Variants in COL25A1 observed in about 807,000 individuals in gnomAD.
COL25A1 encodes collagen type XXV alpha 1 chain, also known as collagen alpha-1(XXV) chain.
Under a neutral mutation model 128.4 loss-of-function variants are expected in COL25A1, and 103 were observed. That is an observed-to-expected ratio of 0.80 (90% CI 0.68 to 0.94). The LOEUF (loss-of-function observed/expected upper bound fraction) is 0.94. COL25A1 is among the 40% of genes least tolerant of loss of function. COL25A1 has a pLI of 0.00. For missense variants in COL25A1, 745 were observed against 840.0 expected (o/e 0.89, Z 1.40); for synonymous variants, 279 against 277.2 (o/e 1.01, Z -0.06).
At chr4:108,924,346 G>A (rs774484475) in intron 11 of COL25A1, among the ~76,000 whole-genome samples, 1 of 152,092 alleles carries the variant, frequency 6.6e-6, no homozygotes. Context: ...AAATTATATA[G>A]TATACTTGAT....
chr4:109,086,013 C>CGAAG (rs1764333856), intron 3 of COL25A1, among the ~76,000 whole-genome samples: 1 of 152,186 alleles, frequency 6.6e-6, no homozygotes, highest in Non-Finnish European at 1.5e-5. Flanking sequence ...GAGGACACTT[C>CGAAG]CCCTGAAAGA....
chr4:108,813,081 G>A lies in COL25A1; in HGVS notation c.*846C>T, dbSNP rs1730928378. ...ACCTCTTTCCTACTTGGTCACATGA[G>A]AGGCAGTGCTGGAGGCTGAATCGGT... On this transcript the variant is annotated 3_prime_UTR_variant, in exon 38 of 38. Transcript: ENST00000399132. 6.6e-6 allele frequency: 1 copy of A among 152,252 alleles called. No homozygotes were observed. The highest frequency in any genetic ancestry group is 1.5e-5 in the Non-Finnish European group (1 of 68,076). The allele number at this position is 152,252 out of a possible 1,614,324, so 9.4% of individuals were successfully genotyped here.
At chr4:109,060,694 A>AAAAAAC (rs1761888005) in intron 3 of COL25A1, among the ~76,000 whole-genome samples, 1 of 151,920 alleles carries the variant, frequency 6.6e-6, no homozygotes, top group African/African-American at 2.4e-5. Context: ...TTTCAAAAAA[A>AAAAAAC]AAAAAACAAA....
intron 5 of COL25A1, among the ~76,000 whole-genome samples, chr4:109,037,421 G>A (rs1308618643): frequency 1.3e-5 from 2 of 152,184 alleles, no homozygotes; most frequent in Non-Finnish European, 2.9e-5. Context: ...GTCTGGCATG[G>A]TCTGCAGCGC....
At chr4:109,012,642 G>T (rs910753714) in intron 5 of COL25A1, among the ~76,000 whole-genome samples, 1 of 152,120 alleles carries the variant, frequency 6.6e-6, no homozygotes, top group East Asian at 1.9e-4. Context: ...CAGAGGGGGC[G>T]CCAGGTCCCC....
Position 108,811,379 on chromosome 4 carries a change from A to G in COL25A1, c.*2548T>C, listed in dbSNP as rs1185021855. On this transcript the variant is annotated 3_prime_UTR_variant, in exon 38 of 38. Transcript: ENST00000399132. ...AAATCAGTTATAGAGCAAAAACTCA[A>G]TATACACACAGGACAGAATAGTATT... 1 of 152,112 alleles carries G rather than the reference A, an allele frequency of 6.6e-6. No homozygotes were observed. The highest frequency in any genetic ancestry group is 1.5e-5 in the Non-Finnish European group (1 of 67,944). The allele number at this position is 152,112 out of a possible 1,614,324, so 9.4% of individuals were successfully genotyped here. A position where few individuals can be genotyped will look rare whatever the true frequency, so the allele number is the denominator to read the frequency against.
chr4:109,052,400 C>T (rs1560602270), intron 3 of COL25A1, among the ~76,000 whole-genome samples: 1 of 152,050 alleles, frequency 6.6e-6, no homozygotes, highest in African/African-American at 2.4e-5. Context: ...CAGCACTTGG[C>T]AAGACAGACA....
chr4:109,250,369 T>TACACACACACACACACAACACAC (rs1553967553), intron 3 of COL25A1, among the ~76,000 whole-genome samples: 18 of 134,864 alleles, frequency 1.3e-4, no homozygotes, highest in African/African-American at 5.4e-4. Flanking sequence ...AAGTAGGAGA[T>TACACACACACACACACAACACAC]ACACACACAC....
At chr4:109,253,660 C>A (rs1780818001) in intron 3 of COL25A1, among the ~76,000 whole-genome samples, 1 of 152,166 alleles carries the variant, frequency 6.6e-6, no homozygotes, top group Non-Finnish European at 1.5e-5. Context: ...AATTCATAAA[C>A]ATTTACTTTA....
intron 8 of COL25A1, among the ~76,000 whole-genome samples, chr4:108,953,027 C>A (rs1238326764): frequency 6.6e-6 from 1 of 151,956 alleles, no homozygotes; most frequent in Non-Finnish European, 1.5e-5. Context: ...CTTTCCTATT[C>A]ATGGAAGAAG....
intron 3 of COL25A1, among the ~76,000 whole-genome samples, chr4:109,175,278 T>C (rs1255229114): frequency 1.3e-5 from 2 of 152,236 alleles, no homozygotes; most frequent in Admixed American, 6.5e-5. Flanking sequence ...AGCAAATAGT[T>C]TGTGCCAAAC....
Position 108,962,193 on chromosome 4 carries a change from TTC to T in COL25A1, c.492+12172_492+12173del, listed in dbSNP as rs1491060002. ...ATTTCTCTACCTCGATTCTTTTTTT[TTC>T]TTTTTTTTTTGAGACGGAGTCTCGC... On this transcript the variant is annotated intron_variant, in intron 8 of 37. Coordinates refer to ENST00000399132, the MANE Select transcript of COL25A1 (RefSeq NM_198721.4). 7.7e-4 allele frequency among the ~76,000 whole-genome samples: 104 copies of T among 134,976 alleles called. 10 individuals are homozygous for T. Among genetic ancestry groups the T allele is most frequent in the East Asian group, 3.7e-3 (16 of 4,320 alleles). The allele number at this position is 134,976 out of a possible 152,430, so 88.5% of individuals were successfully genotyped here.
intron 6 of COL25A1, among the ~76,000 whole-genome samples, chr4:108,980,164 G>T (rs1230536554): frequency 2.0e-5 from 3 of 152,234 alleles, no homozygotes; most frequent in African/African-American, 4.8e-5. Flanking sequence ...GTGCGGAGAT[G>T]AAGTGTGCTC....
chr4:109,197,239 T>A (rs1002428826), intron 3 of COL25A1, among the ~76,000 whole-genome samples: 1 of 148,206 alleles, frequency 6.7e-6, no homozygotes, highest in Non-Finnish European at 1.5e-5. Context: ...GGCAGGAGGA[T>A]CATTTGAGCC....
chr4:108,861,355 A>AT (rs1375299114), intron 22 of COL25A1, among the ~76,000 whole-genome samples: 1 of 152,144 alleles, frequency 6.6e-6, no homozygotes, highest in Non-Finnish European at 1.5e-5. Flanking sequence ...AGAGCCAACA[A>AT]TTGTTTTTCC....
chr4:109,192,748 G>GA (rs1159399728), intron 3 of COL25A1, among the ~76,000 whole-genome samples: 2 of 152,108 alleles, frequency 1.3e-5, no homozygotes, highest in African/African-American at 4.8e-5. Flanking sequence ...CAGCTACTCA[G>GA]AAGGCTGAGG....
At chr4:108,985,027 C>T (rs907961264) in intron 6 of COL25A1, among the ~76,000 whole-genome samples, 3 of 152,234 alleles carry the variant, frequency 2.0e-5, no homozygotes, top group Non-Finnish European at 4.4e-5. Context: ...AAAAATGACT[C>T]TCAGATGAGG....
chr4:108,990,270 A>ATATC (rs1560984514), intron 6 of COL25A1, among the ~76,000 whole-genome samples: 1 of 126,242 alleles, frequency 7.9e-6, no homozygotes, highest in Admixed American at 8.0e-5. Flanking sequence ...ATATATATAT[A>ATATC]TATCTCAAAA....
chr4:109,092,406 G>A lies in COL25A1; in HGVS notation c.368-42227C>T, dbSNP rs187385161. 7.9e-5 allele frequency among the ~76,000 whole-genome samples: 12 copies of A among 152,260 alleles called. No individual in the cohort carries two copies. The East Asian group carries it at 2.1e-3, about 27-fold the overall frequency. On this transcript the variant is annotated intron_variant, in intron 3 of 37. Transcript: ENST00000399132. Reference sequence around the variant, plus strand: ...AGGCTGAGGTGAGAGGATTGCTTGAGCCCAGGAGTCTGAGGCTGGCTGCAG... The same window carrying A: ...AGGCTGAGGTGAGAGGATTGCTTGAACCCAGGAGTCTGAGGCTGGCTGCAG...
Sources: gnomAD v4.1 joint callset for allele counts (sites outside exome capture counted in the v4.1 genomes callset) on GRCh38, gnomAD v4.1.1 for gene constraint, MANE v1.5 for transcripts, NCBI Gene and HGNC (gene_info 2026-07-23, HGNC 2026-07-21) for gene names.